Variants in KCNIP4 observed in about 807,000 individuals in gnomAD.
The protein encoded by KCNIP4 is potassium voltage-gated channel interacting protein 4.
KCNIP4 carries 12 observed loss-of-function variants against 34.0 expected under a neutral mutation model. That is an observed-to-expected ratio of 0.35 (90% CI 0.23 to 0.57). KCNIP4 has a LOEUF of 0.57. Among genes scored for constraint, KCNIP4 ranks in the 20% least tolerant of loss-of-function variants. KCNIP4 has a pLI of 0.83. For missense variants in KCNIP4, 238 were observed against 311.7 expected (o/e 0.76, Z 1.78); for synonymous variants, 124 against 102.2 (o/e 1.21, Z -1.29).
At chr4:21,760,854 C>T (rs1357979578) in intron 1 of KCNIP4, among the ~76,000 whole-genome samples, 4 of 152,110 alleles carry the variant, frequency 2.6e-5, no homozygotes, top group Admixed American at 6.6e-5. Context: ...TATAGCAAGA[C>T]CAGCATGGAA....
intron 1 of KCNIP4, among the ~76,000 whole-genome samples, chr4:21,360,059 G>A (rs537282903): frequency 2.0e-5 from 3 of 152,098 alleles, no homozygotes; most frequent in African/African-American, 7.2e-5. Flanking sequence ...TCAAAAATAG[G>A]TACTGAGCTC....
chr4:21,483,392 G>A (rs1307498703), intron 1 of KCNIP4, among the ~76,000 whole-genome samples: 2 of 152,022 alleles, frequency 1.3e-5, no homozygotes, highest in African/African-American at 4.8e-5. Context: ...GCTACAGGTG[G>A]GGCCTGGTGG....
At chr4:21,302,951 C>T (rs1328301505) in intron 1 of KCNIP4, among the ~76,000 whole-genome samples, 1 of 152,044 alleles carries the variant, frequency 6.6e-6, no homozygotes, top group Non-Finnish European at 1.5e-5. Flanking sequence ...CTACGTCAAA[C>T]ATCATCTAGA....
intron 1 of KCNIP4, among the ~76,000 whole-genome samples, chr4:21,529,755 C>A (rs1736516747): frequency 6.6e-6 from 1 of 152,088 alleles, no homozygotes; most frequent in Admixed American, 6.6e-5. Flanking sequence ...GTCTCTCTTG[C>A]ATGATCTCAG....
At chr4:21,910,647 C>T (rs182361279) in intron 1 of KCNIP4, among the ~76,000 whole-genome samples, 1 of 152,286 alleles carries the variant, frequency 6.6e-6, no homozygotes, top group Non-Finnish European at 1.5e-5. Context: ...AAATCAAAGC[C>T]ATAAGGCACT....
At chr4:21,217,882 G>T (rs1273401250) in intron 1 of KCNIP4, among the ~76,000 whole-genome samples, 1 of 151,446 alleles carries the variant, frequency 6.6e-6, no homozygotes, top group Non-Finnish European at 1.5e-5. Flanking sequence ...AAAAGGACAG[G>T]GTTAATTATA....
chr4:21,300,944 C>A (rs1711594842), intron 1 of KCNIP4, among the ~76,000 whole-genome samples: 1 of 152,016 alleles, frequency 6.6e-6, no homozygotes, highest in Admixed American at 6.6e-5. Context: ...TGACTTAATC[C>A]AAGGTTAGAG....
chr4:20,805,994 C>T (rs912566547), intron 3 of KCNIP4, among the ~76,000 whole-genome samples: 2 of 152,086 alleles, frequency 1.3e-5, no homozygotes, highest in Non-Finnish European at 2.9e-5. Flanking sequence ...AAATCATCTA[C>T]TATTTCAAGA....
intron 1 of KCNIP4, among the ~76,000 whole-genome samples, chr4:21,009,920 C>T (rs1738921532): frequency 6.6e-6 from 1 of 152,166 alleles, no homozygotes; most frequent in Non-Finnish European, 1.5e-5. Context: ...CTACATCTGC[C>T]ATAACAAAAT....
At chr4:21,173,330 T>C (rs1754153051) in intron 1 of KCNIP4, among the ~76,000 whole-genome samples, 3 of 152,022 alleles carry the variant, frequency 2.0e-5, no homozygotes. Flanking sequence ...AGACTAAAGC[T>C]CATAGGTTAG....
intron 1 of KCNIP4, among the ~76,000 whole-genome samples, chr4:21,214,089 A>G (rs1452752468): frequency 6.6e-6 from 1 of 152,190 alleles, no homozygotes; most frequent in Non-Finnish European, 1.5e-5. Context: ...TTTTTACCTT[A>G]TGAGACAGTC....
chr4:21,400,529 T>TCCACTCCCCTCCCCTCC (rs1723439816), intron 1 of KCNIP4, among the ~76,000 whole-genome samples: 1 of 56,730 alleles, frequency 1.8e-5, no homozygotes, highest in Admixed American at 1.9e-4. Flanking sequence ...TCTTCTCTTC[T>TCCACTCCCCTCCCCTCC]CTTCTCTTCT....
chr4:21,574,098 G>A (rs940861982), intron 1 of KCNIP4, among the ~76,000 whole-genome samples: 7 of 152,054 alleles, frequency 4.6e-5, no homozygotes, highest in Non-Finnish European at 7.4e-5. Flanking sequence ...AAATTCTAAC[G>A]ACTGTAACAG....
intron 1 of KCNIP4, among the ~76,000 whole-genome samples, chr4:21,775,718 T>G (rs1304101007): frequency 6.6e-6 from 1 of 152,170 alleles, no homozygotes; most frequent in East Asian, 1.9e-4. Flanking sequence ...TGGATAAGGT[T>G]TATGCCTGAA....
At chr4:21,418,883 T>C (rs2109618219) in intron 1 of KCNIP4, among the ~76,000 whole-genome samples, 1 of 152,334 alleles carries the variant, frequency 6.6e-6, no homozygotes, top group Non-Finnish European at 1.5e-5. Flanking sequence ...AAGAGCCAGA[T>C]AATAATTCAT....
chr4:21,434,428 A>G (rs1726766711), intron 1 of KCNIP4, among the ~76,000 whole-genome samples: 1 of 152,132 alleles, frequency 6.6e-6, no homozygotes, highest in Admixed American at 6.5e-5. Flanking sequence ...CTTTTTTTCT[A>G]CCTGGGAAAC....
chr4:21,242,163 CAAAAAA>C (rs11436478), intron 1 of KCNIP4, among the ~76,000 whole-genome samples: 4 of 55,744 alleles, frequency 7.2e-5, no homozygotes, highest in African/African-American at 2.2e-4. Flanking sequence ...AATTCTGTCT[CAAAAAA>C]AAAAAAAAAA....
intron 1 of KCNIP4, among the ~76,000 whole-genome samples, chr4:21,749,978 C>T (rs1364987021): frequency 1.3e-5 from 2 of 152,148 alleles, no homozygotes; most frequent in East Asian, 3.9e-4. Flanking sequence ...CAGTTACCAG[C>T]TGTCAATGGT....
intron 1 of KCNIP4, among the ~76,000 whole-genome samples, chr4:21,732,253 T>A (rs2109113398): frequency 6.6e-6 from 1 of 152,172 alleles, no homozygotes; most frequent in South Asian, 2.1e-4. Flanking sequence ...GAAGACCTTT[T>A]CAGTGCTACG....
Sources: allele counts gnomAD v4.1 joint callset (sites outside exome capture counted in the v4.1 genomes callset), GRCh38; gene constraint gnomAD v4.1.1; transcripts MANE v1.5; gene names NCBI Gene and HGNC (gene_info 2026-07-23, HGNC 2026-07-21).